SMARCC1: variants seen among roughly 807,000 people sequenced by gnomAD.
The protein encoded by SMARCC1 is SWI/SNF complex subunit SMARCC1.
A neutral mutation model predicts 147.4 loss-of-function variants in SMARCC1; 43 were observed. The ratio of observed to expected loss-of-function variants is 0.29; its 90% CI spans 0.23 to 0.38. The LOEUF is 0.38. Among genes scored for constraint, SMARCC1 ranks in the 10% least tolerant of loss-of-function variants. The pLI is 1.00. For synonymous variants in SMARCC1, 495 were observed against 484.4 expected (o/e 1.02, Z -0.29); for missense variants, 1,119 against 1,381.1 (o/e 0.81, Z 3.01).
At chr3:47,759,018 A>C (rs2034739262) in intron 2 of SMARCC1, among the ~76,000 whole-genome samples, 1 of 25,590 alleles carries the variant, frequency 3.9e-5, no homozygotes, top group Non-Finnish European at 1.6e-4. Flanking sequence ...ACTCTGACCC[A>C]AAAAAAAAAG....
chr3:47,625,147 A>T (rs977753367), intron 24 of SMARCC1, among the ~76,000 whole-genome samples: 6 of 143,156 alleles, frequency 4.2e-5, no homozygotes, highest in Non-Finnish European at 9.2e-5. Flanking sequence ...ATATGTTGGA[A>T]TTTTTTTTTT....
intron 21 of SMARCC1, among the ~76,000 whole-genome samples, chr3:47,660,209 G>A (rs1031551505): frequency 1.3e-5 from 2 of 152,000 alleles, no homozygotes; most frequent in Non-Finnish European, 2.9e-5. Flanking sequence ...CACTTTGGGA[G>A]GCCGAGGCGG....
intron 2 of SMARCC1, among the ~76,000 whole-genome samples, chr3:47,767,223 A>AT (rs1238249487): frequency 1.5e-5 from 2 of 130,206 alleles, no homozygotes; most frequent in Non-Finnish European, 3.3e-5. Context: ...TTCCACTCTG[A>AT]TTTTTTTCTT....
intron 25 of SMARCC1, among the ~76,000 whole-genome samples, chr3:47,615,792 T>C (rs1439957309): frequency 6.6e-6 from 1 of 152,198 alleles, no homozygotes; most frequent in Non-Finnish European, 1.5e-5. Context: ...CAAGTGATTC[T>C]CCTGCTTCAG....
intron 26 of SMARCC1, 139 bp downstream of exon 26, chr3:47,609,927 T>A: frequency 1.1e-6 from 1 of 890,158 alleles, no homozygotes; most frequent in South Asian, 1.7e-5. Context: ...AAATCTCACA[T>A]GCCTACAATT....
rs2034931620 is a variant in SMARCC1 at position 47,772,879 on chromosome 3, G to T, written c.253C>A (p.Leu85Ile). ...KTLAGLVVQL[L>I]QFQEDAFGKH... The stretch of plus-strand genomic sequence containing the variant: ...CCAAAGGCATCTTCCTGGAACTGAA[G>T]AAGCTGCACCACCAGCCCAGCCAGT... The change falls in exon 2 of 28, where the codon CTT (leucine) becomes ATT (isoleucine). Residue 85 changes from leucine to isoleucine, a missense_variant. By Grantham distance (5) the Leu-to-Ile change is conservative. Around this residue, in one of 6 missense-constraint regions of SMARCC1, gnomAD observed 542 missense variants for 611.8 expected, o/e 0.89. Transcript: ENST00000254480. 2.5e-6 allele frequency: 4 copies of T among 1,613,756 alleles called. No homozygotes were observed. Among genetic ancestry groups the T allele is most frequent in the Non-Finnish European group, 2.5e-6 (3 of 1,179,770 alleles).
intron 11 of SMARCC1, among the ~76,000 whole-genome samples, chr3:47,696,352 C>T (rs928666228): frequency 3.0e-4 from 46 of 151,844 alleles, no homozygotes; most frequent in Admixed American, 2.6e-3. Context: ...CCAACCTCGG[C>T]AACAGAGCGA....
chr3:47,732,094 CT>C (rs1559657142), intron 5 of SMARCC1, among the ~76,000 whole-genome samples: 2 of 152,194 alleles, frequency 1.3e-5, no homozygotes, highest in African/African-American at 4.8e-5. Context: ...ACTAAATCTC[CT>C]GGATAACTTG....
chr3:47,670,421 C>T, intron 19 of SMARCC1: 1 of 489,444 alleles, frequency 2.0e-6, no homozygotes, highest in Non-Finnish European at 3.6e-6. Flanking sequence ...CCCATTGCTA[C>T]AAAAAATACA....
intron 3 of SMARCC1, among the ~76,000 whole-genome samples, chr3:47,739,356 T>A (rs2034481484): frequency 6.6e-6 from 1 of 152,204 alleles, no homozygotes; most frequent in African/African-American, 2.4e-5. Flanking sequence ...AGTCTCACTG[T>A]GTCACCTAGG....
In SMARCC1 at chr3:47,764,548, T is replaced by G. The variant is rs182609125; in HGVS notation, c.315+8269A>C. On this transcript the variant is annotated intron_variant, in intron 2 of 27. Transcript: ENST00000254480. Reference sequence around the variant, plus strand: ...CAAACCTGCACTGAAGTTGATCATATAGCTTTCCAGAGCCTTGCCCACCAC... The same window carrying G: ...CAAACCTGCACTGAAGTTGATCATAGAGCTTTCCAGAGCCTTGCCCACCAC... Among the ~76,000 whole-genome samples, 3 of 152,298 alleles carry G rather than the reference T, an allele frequency of 2.0e-5. No homozygotes were observed. In the East Asian group the frequency reaches 5.8e-4, roughly 29 times the overall value.
chr3:47,772,748 G>A, intron 2 of SMARCC1, 69 bp downstream of exon 2: 2 of 1,362,306 alleles, frequency 1.5e-6, no homozygotes, highest in African/African-American at 1.5e-5. Context: ...AAGGAAAAAA[G>A]CTGGATGCTA....
chr3:47,606,273 T>C (rs2032471649), intron 26 of SMARCC1, among the ~76,000 whole-genome samples: 1 of 152,240 alleles, frequency 6.6e-6, no homozygotes, highest in Non-Finnish European at 1.5e-5. Flanking sequence ...AATAGCTGTA[T>C]CTGAATCTGC....
intron 11 of SMARCC1, among the ~76,000 whole-genome samples, chr3:47,694,003 TA>T (rs1269348319): frequency 1.6e-4 from 24 of 152,182 alleles, no homozygotes; most frequent in Non-Finnish European, 1.5e-4. Context: ...TGTCAAAATA[TA>T]TCCTGAGAGT....
intron 7 of SMARCC1, among the ~76,000 whole-genome samples, chr3:47,716,263 C>G (rs1029771667): frequency 6.6e-6 from 1 of 151,374 alleles, no homozygotes; most frequent in South Asian, 2.1e-4. Context: ...TTAAAAAATA[C>G]AAAAATTAGC....
intron 24 of SMARCC1, among the ~76,000 whole-genome samples, chr3:47,631,059 T>C (rs756913522): frequency 2.1e-5 from 3 of 145,880 alleles, no homozygotes; most frequent in Admixed American, 7.0e-5. Context: ...AGCAAGACCC[T>C]GACAAAGCAA....
intron 18 of SMARCC1, among the ~76,000 whole-genome samples, chr3:47,675,025 G>A (rs528118919): frequency 3.9e-5 from 6 of 152,120 alleles, no homozygotes; most frequent in East Asian, 1.9e-4. Context: ...GTGAGCCACC[G>A]TGTCCAGCCT....
At chr3:47,611,488 A>C (rs1308376259) in intron 25 of SMARCC1, among the ~76,000 whole-genome samples, 1 of 152,240 alleles carries the variant, frequency 6.6e-6, no homozygotes, top group Non-Finnish European at 1.5e-5. Context: ...GATTATGTAA[A>C]ACATCATTTC....
chr3:47,700,557 C>T (rs2033905537), intron 11 of SMARCC1, among the ~76,000 whole-genome samples: 1 of 152,108 alleles, frequency 6.6e-6, no homozygotes, highest in Non-Finnish European at 1.5e-5. Context: ...CTCACTCTGT[C>T]GCCCAGGCTG....
Sources: allele counts gnomAD v4.1 joint callset (sites outside exome capture counted in the v4.1 genomes callset), GRCh38; gene constraint gnomAD v4.1.1; regional missense constraint gnomAD v4.1.1; transcripts MANE v1.5; gene names NCBI Gene and HGNC (gene_info 2026-07-23, HGNC 2026-07-21).